SYT1: variants seen among roughly 807,000 people sequenced by gnomAD.
SYT1 encodes synaptotagmin 1.
A neutral mutation model predicts 44.8 loss-of-function variants in SYT1; 8 were observed. The ratio of observed to expected loss-of-function variants is 0.18; its 90% confidence interval spans 0.10 to 0.32. The LOEUF is 0.32. Among genes scored for constraint, SYT1 ranks in the 10% least tolerant of loss-of-function variants. SYT1 has a pLI of 1.00. For synonymous variants in SYT1, 154 were observed against 188.8 expected (o/e 0.82, Z 1.51); for missense variants, 286 against 509.3 (o/e 0.56, Z 4.22).
At chr12:79,090,313 T>C (rs1469203060) in intron 3 of SYT1, among the ~76,000 whole-genome samples, 2 of 151,968 alleles carry the variant, frequency 1.3e-5, no homozygotes, top group Admixed American at 6.6e-5. Flanking sequence ...GTTGAAGGTG[T>C]AGGATAGCAA....
chr12:79,364,167 A>C (rs777519183), intron 9 of SYT1, among the ~76,000 whole-genome samples: 1 of 152,104 alleles, frequency 6.6e-6, no homozygotes, highest in Non-Finnish European at 1.5e-5. Flanking sequence ...GAATTCTTAA[A>C]ACCAATTGGT....
At chr12:78,867,076 G>A (rs1388279947) in intron 1 of SYT1, among the ~76,000 whole-genome samples, 3 of 149,588 alleles carry the variant, frequency 2.0e-5, no homozygotes, top group Non-Finnish European at 3.0e-5. Flanking sequence ...AAAAAAAATA[G>A]TGTCTCTGTT....
intron 1 of SYT1, among the ~76,000 whole-genome samples, chr12:78,897,705 C>T (rs973010089): frequency 6.6e-6 from 1 of 152,168 alleles, no homozygotes; most frequent in East Asian, 1.9e-4. Flanking sequence ...ATTTCAAATG[C>T]TCATCAAAAT....
At chr12:79,236,614 C>T (rs1876206221) in intron 4 of SYT1, among the ~76,000 whole-genome samples, 2 of 152,166 alleles carry the variant, frequency 1.3e-5, no homozygotes, top group African/African-American at 4.8e-5. Flanking sequence ...CTCATATCTT[C>T]CTTACTAGAT....
chr12:79,122,688 T>G (rs1328582420), intron 3 of SYT1, among the ~76,000 whole-genome samples: 2 of 152,192 alleles, frequency 1.3e-5, no homozygotes, highest in Non-Finnish European at 2.9e-5. Flanking sequence ...CCATTCATTT[T>G]ATTGCCTATA....
At chr12:79,272,005 G>A (rs990902630) in intron 4 of SYT1, among the ~76,000 whole-genome samples, 5 of 152,126 alleles carry the variant, frequency 3.3e-5, no homozygotes, top group Admixed American at 6.5e-5. Flanking sequence ...TACCAATGGG[G>A]AGCAGATTTT....
chr12:79,090,949 C>T (rs1031035440), intron 3 of SYT1, among the ~76,000 whole-genome samples: 23 of 152,046 alleles, frequency 1.5e-4, no homozygotes, highest in African/African-American at 5.5e-4. Flanking sequence ...GTCTTCTTTT[C>T]CTGTGAGTTA....
intron 3 of SYT1, among the ~76,000 whole-genome samples, chr12:79,069,894 AGAATT>A (rs1215019076): frequency 2.6e-5 from 4 of 152,142 alleles, no homozygotes; most frequent in Non-Finnish European, 4.4e-5. Context: ...TGAATAGAAT[AGAATT>A]AAGTCTCATT....
intron 3 of SYT1, among the ~76,000 whole-genome samples, chr12:79,126,346 T>C (rs1309744163): frequency 6.6e-6 from 1 of 152,172 alleles, no homozygotes; most frequent in Non-Finnish European, 1.5e-5. Context: ...CTGCAACCTC[T>C]GCCTCCCGGG....
chr12:79,013,623 C>G (rs1592661834), intron 2 of SYT1, among the ~76,000 whole-genome samples: 1 of 152,100 alleles, frequency 6.6e-6, no homozygotes, highest in Admixed American at 6.5e-5. Context: ...TCTATAACAC[C>G]TAGGAGGTCT....
intron 9 of SYT1, among the ~76,000 whole-genome samples, chr12:79,386,197 T>C (rs1026065091): frequency 6.6e-6 from 1 of 152,202 alleles, no homozygotes; most frequent in Non-Finnish European, 1.5e-5. Context: ...GAAGAAGTTA[T>C]TAGATTCTTT....
intron 2 of SYT1, among the ~76,000 whole-genome samples, chr12:79,024,465 CTT>C (rs953703892): frequency 3.4e-4 from 51 of 151,762 alleles, no homozygotes; most frequent in African/African-American, 1.2e-3. Flanking sequence ...TGTAATGTAT[CTT>C]TAACATTCTA....
At chr12:78,965,940 G>A (rs969914138) in intron 1 of SYT1, among the ~76,000 whole-genome samples, 10 of 151,880 alleles carry the variant, frequency 6.6e-5, no homozygotes, top group Non-Finnish European at 1.0e-4. Context: ...AGCCGGGCAC[G>A]GTGGCAGGCG....
At chr12:78,956,041 G>GA (rs1879198841) in intron 1 of SYT1, among the ~76,000 whole-genome samples, 2 of 151,940 alleles carry the variant, frequency 1.3e-5, no homozygotes, top group South Asian at 4.2e-4. Context: ...TCTATAATAT[G>GA]AAAAAATACT....
chr12:79,361,371 G>C (rs1883309741), intron 9 of SYT1, among the ~76,000 whole-genome samples: 1 of 152,142 alleles, frequency 6.6e-6, no homozygotes, highest in Admixed American at 6.6e-5. Context: ...CAAGCAGACT[G>C]TCTTCAGACT....
At chr12:79,220,372 G>T (rs1006755291) in intron 4 of SYT1, among the ~76,000 whole-genome samples, 5 of 151,752 alleles carry the variant, frequency 3.3e-5, no homozygotes, top group African/African-American at 1.2e-4. Flanking sequence ...ATGCAGTTTT[G>T]TTGATCTTTT....
chr12:79,314,299 A>AGTGG (rs1419038747), intron 8 of SYT1, among the ~76,000 whole-genome samples: 1 of 152,048 alleles, frequency 6.6e-6, no homozygotes, highest in African/African-American at 2.4e-5. Context: ...TTTTGAGGAC[A>AGTGG]GTGGGACAGC....
intron 9 of SYT1, among the ~76,000 whole-genome samples, chr12:79,396,859 A>G (rs769440497): frequency 1.3e-5 from 2 of 152,240 alleles, no homozygotes; most frequent in Non-Finnish European, 2.9e-5. Flanking sequence ...AATAATAAAC[A>G]TAAAATAATT....
intron 7 of SYT1, among the ~76,000 whole-genome samples, chr12:79,298,629 A>T (rs12316629): frequency 6.6e-6 from 1 of 152,188 alleles, no homozygotes; most frequent in African/African-American, 2.4e-5. Flanking sequence ...ACTGAATATT[A>T]AAAATGTCAC....
Sources: gnomAD v4.1 joint callset for allele counts (sites outside exome capture counted in the v4.1 genomes callset) on GRCh38, gnomAD v4.1.1 for gene constraint, MANE v1.5 for transcripts, NCBI Gene and HGNC (gene_info 2026-07-23, HGNC 2026-07-21) for gene names.